The following KCND2 variants were observed in gnomAD, a reference collection of about 807,000 sequenced individuals.
The protein encoded by KCND2 is potassium voltage-gated channel subfamily D member 2, also known as A-type voltage-gated potassium channel KCND2.
KCND2 carries 16 observed loss-of-function variants against 54.4 expected under a neutral mutation model. The ratio of observed to expected loss-of-function variants is 0.29; its 90% CI spans 0.20 to 0.45. The LOEUF is 0.45. Among genes scored for constraint, KCND2 ranks in the 20% least tolerant of loss-of-function variants. The pLI is 1.00. For missense variants in KCND2, 486 were observed against 824.2 expected (o/e 0.59, Z 5.02); for synonymous variants, 317 against 310.7 (o/e 1.02, Z -0.21).
chr7:120,672,231 A>T (rs1312325266), intron 1 of KCND2, among the ~76,000 whole-genome samples: 1 of 147,906 alleles, frequency 6.8e-6, no homozygotes, highest in Non-Finnish European at 1.5e-5. Context: ...TTCCTGACAG[A>T]AAAAAAAATC....
chr7:120,396,494 G>T (rs1400362458), intron 1 of KCND2, among the ~76,000 whole-genome samples: 1 of 151,832 alleles, frequency 6.6e-6, no homozygotes, highest in Non-Finnish European at 1.5e-5. Flanking sequence ...TTATTCTTTG[G>T]TTTCTTTTTT....
intron 1 of KCND2, among the ~76,000 whole-genome samples, chr7:120,649,081 C>T (rs1044340799): frequency 5.9e-5 from 9 of 152,150 alleles, no homozygotes; most frequent in African/African-American, 1.9e-4. Context: ...TAATCCTAAC[C>T]TCTCATTTAA....
chr7:120,276,066 T>C (rs1799168948), intron 1 of KCND2, among the ~76,000 whole-genome samples: 1 of 152,088 alleles, frequency 6.6e-6, no homozygotes, highest in Non-Finnish European at 1.5e-5. Flanking sequence ...AAAAACAAAA[T>C]CTATGCCCTA....
intron 1 of KCND2, among the ~76,000 whole-genome samples, chr7:120,419,032 A>G (rs1233144445): frequency 2.0e-5 from 3 of 152,182 alleles, no homozygotes; most frequent in Non-Finnish European, 2.9e-5. Context: ...ATGAAATAAT[A>G]TATCACTGTA....
At chr7:120,355,941 A>G (rs758822111) in intron 1 of KCND2, among the ~76,000 whole-genome samples, 4 of 152,220 alleles carry the variant, frequency 2.6e-5, no homozygotes, top group Non-Finnish European at 4.4e-5. Context: ...GTAAATTTAC[A>G]TAATTAATTT....
intron 1 of KCND2, among the ~76,000 whole-genome samples, chr7:120,731,235 C>G (rs1792802883): frequency 6.6e-6 from 1 of 152,134 alleles, no homozygotes; most frequent in Non-Finnish European, 1.5e-5. Context: ...ATTCTAATGT[C>G]AGTAGGGTGG....
intron 1 of KCND2, among the ~76,000 whole-genome samples, chr7:120,439,352 A>G (rs1278809633): frequency 6.6e-6 from 1 of 152,086 alleles, no homozygotes; most frequent in Non-Finnish European, 1.5e-5. Flanking sequence ...ATCCAAACAC[A>G]GAAGCACTTT....
At chr7:120,621,223 A>G (rs1793093391) in intron 1 of KCND2, among the ~76,000 whole-genome samples, 1 of 142,826 alleles carries the variant, frequency 7.0e-6, no homozygotes, top group Admixed American at 7.2e-5. Context: ...CAGTGAGCCG[A>G]GATCACGCCA....
At chr7:120,627,013 G>A (rs1176739469) in intron 1 of KCND2, among the ~76,000 whole-genome samples, 1 of 152,104 alleles carries the variant, frequency 6.6e-6, no homozygotes, top group African/African-American at 2.4e-5. Flanking sequence ...TCTACAGTTG[G>A]TTAAGATCCA....
At chr7:120,566,348 T>C (rs1188447662) in intron 1 of KCND2, among the ~76,000 whole-genome samples, 2 of 152,158 alleles carry the variant, frequency 1.3e-5, no homozygotes, top group South Asian at 2.1e-4. Context: ...TTTGCCTTTT[T>C]TTTTCCTTTT....
intron 1 of KCND2, among the ~76,000 whole-genome samples, chr7:120,646,055 C>T (rs1013527093): frequency 7.9e-5 from 12 of 152,200 alleles, no homozygotes; most frequent in Admixed American, 3.3e-4. Context: ...CACTTCTCTT[C>T]AGAAAGATAA....
rs906349379 is a variant in KCND2 at position 120,506,152 on chromosome 7, G to A, written c.1116-226751G>A. 1.4e-4 allele frequency among the ~76,000 whole-genome samples: 21 copies of A among 151,630 alleles called. 1 individual carries two copies. In the South Asian group the frequency reaches 2.3e-3, roughly 17 times the overall value. The stretch of plus-strand genomic sequence containing the variant: ...ATTTTTTTTTCTTCTAGTTTAAAGA[G>A]GAAATACATAGAGAGTAGGTATATT... On this transcript the variant is annotated intron_variant, in intron 1 of 5. Transcript: ENST00000331113.
chr7:120,457,848 G>A (rs1802222358), intron 1 of KCND2, among the ~76,000 whole-genome samples: 1 of 152,072 alleles, frequency 6.6e-6, no homozygotes, highest in Non-Finnish European at 1.5e-5. Context: ...TGTGTTAGTT[G>A]GTTCTCACAC....
intron 1 of KCND2, among the ~76,000 whole-genome samples, chr7:120,384,437 G>T (rs771032122): frequency 6.6e-6 from 1 of 151,916 alleles, no homozygotes; most frequent in African/African-American, 2.4e-5. Flanking sequence ...TTCTCCTTGC[G>T]CTCCACCAGT....
rs531799809 is a variant in KCND2, at chr7:120,363,875, C to T, written c.1115+88128C>T. Among the ~76,000 whole-genome samples, 10 of 152,250 alleles carry T rather than the reference C, an allele frequency of 6.6e-5. No homozygotes were observed. The East Asian group carries it at 1.9e-3, about 29-fold the overall frequency. On this transcript the variant is annotated intron_variant, in intron 1 of 5. Coordinates refer to ENST00000331113, the MANE Select transcript of KCND2 (RefSeq NM_012281.3). ...TTTCTGTTGCTCACTCTGCCCTTCTCACTGGCATTCTTATTGCTTTTCTTA... is the reference window on the plus strand; with the variant it reads ...TTTCTGTTGCTCACTCTGCCCTTCTTACTGGCATTCTTATTGCTTTTCTTA...
rs191070986 is a variant in KCND2, at chr7:120,360,743, C to T, written c.1115+84996C>T. ...GTGATTTGGCTCTTCTTAATCTTGA[C>T]GCCAGTGTTACATACTTTTCAATTT... On this transcript the variant is annotated intron_variant, in intron 1 of 5. Coordinates refer to ENST00000331113, the MANE Select transcript of KCND2 (RefSeq NM_012281.3). 1.2e-3 allele frequency among the ~76,000 whole-genome samples: 178 copies of T among 152,042 alleles called. 1 individual carries two copies. The highest frequency in any genetic ancestry group is 3.2e-3 in the Admixed American group (49 of 15,226).
At chr7:120,473,841 CACTGGATAT>C (rs928319772) in intron 1 of KCND2, among the ~76,000 whole-genome samples, 6 of 152,096 alleles carry the variant, frequency 3.9e-5, no homozygotes, top group Admixed American at 6.5e-5. Flanking sequence ...CTAAGCAAAT[CACTGGATAT>C]ACTGGGAGAG....
intron 1 of KCND2, among the ~76,000 whole-genome samples, chr7:120,297,957 C>T (rs1362495241): frequency 6.6e-6 from 1 of 152,102 alleles, no homozygotes; most frequent in Non-Finnish European, 1.5e-5. Context: ...TACATTTGTT[C>T]AGTTCAGTAC....
chr7:120,297,238 G>A (rs1433134005), intron 1 of KCND2, among the ~76,000 whole-genome samples: 4 of 151,900 alleles, frequency 2.6e-5, no homozygotes, highest in Admixed American at 6.6e-5. Flanking sequence ...CATCTCTAAT[G>A]TCTATCATGC....
Sources: gnomAD v4.1 joint callset for allele counts (sites outside exome capture counted in the v4.1 genomes callset) on GRCh38, gnomAD v4.1.1 for gene constraint, MANE v1.5 for transcripts, NCBI Gene and HGNC (gene_info 2026-07-23, HGNC 2026-07-21) for gene names.